Variants in GNA14 observed in about 807,000 individuals in gnomAD.
GNA14 encodes the protein guanine nucleotide-binding protein subunit alpha-14.
GNA14 carries 50 observed loss-of-function variants against 42.0 expected under a neutral mutation model. The ratio of observed to expected loss-of-function variants is 1.19; its 90% CI spans 0.95 to 1.51. GNA14 has a LOEUF of 1.51. Ranked by LOEUF, GNA14 falls within the 40% of genes most tolerant of loss-of-function variation. The probability of loss-of-function intolerance (pLI) is 0.00; values close to 1 mark genes in which losing one functional copy is unlikely to be tolerated. For missense variants in GNA14, 473 were observed against 446.2 expected (o/e 1.06, Z -0.54); for synonymous variants, 173 against 163.1 (o/e 1.06, Z -0.46).
intron 1 of GNA14, among the ~76,000 whole-genome samples, chr9:77,558,110 T>C (rs1389375588): frequency 2.0e-5 from 3 of 152,128 alleles, no homozygotes; most frequent in African/African-American, 2.4e-5. Context: ...CTTAAGACAA[T>C]AGAGGATATT....
chr9:77,464,627 AC>A (rs546105798), intron 2 of GNA14, among the ~76,000 whole-genome samples: 6 of 152,248 alleles, frequency 3.9e-5, no homozygotes, highest in African/African-American at 1.2e-4. Context: ...AGAATATCCA[AC>A]GAGTCATGCC....
At chr9:77,428,789 G>C (rs1835495906) in intron 5 of GNA14, 118 bp downstream of exon 5, 1 of 992,926 alleles carries the variant, frequency 1.0e-6, no homozygotes, top group African/African-American at 1.6e-5. Flanking sequence ...GTCACACTTT[G>C]AGTAGCAAGA....
chr9:77,604,352 T>C (rs1385040845), intron 1 of GNA14, among the ~76,000 whole-genome samples: 1 of 152,148 alleles, frequency 6.6e-6, no homozygotes, highest in African/African-American at 2.4e-5. Context: ...ATGTCAAGCA[T>C]CAAAGGCTGA....
chr9:77,597,692 C>A (rs1483477826), intron 1 of GNA14, among the ~76,000 whole-genome samples: 6 of 150,478 alleles, frequency 4.0e-5, no homozygotes, highest in African/African-American at 1.5e-4. Context: ...TGAATAGAAT[C>A]TTTTCCAAGA....
At chr9:77,592,788 T>C (rs1398017581) in intron 1 of GNA14, among the ~76,000 whole-genome samples, 2 of 152,246 alleles carry the variant, frequency 1.3e-5, no homozygotes. Flanking sequence ...GTAGGATCCT[T>C]TATCTTCTTG....
intron 2 of GNA14, among the ~76,000 whole-genome samples, chr9:77,446,620 G>A (rs1300705129): frequency 6.6e-6 from 1 of 152,172 alleles, no homozygotes; most frequent in Non-Finnish European, 1.5e-5. Flanking sequence ...AGGTGAGGGA[G>A]AGTGAAGGAG....
At chr9:77,431,285 C>A in intron 4 of GNA14, 36 bp downstream of exon 4, 3 of 1,598,688 alleles carry the variant, frequency 1.9e-6, no homozygotes, top group Non-Finnish European at 2.6e-6. Flanking sequence ...CAAGCCTGGG[C>A]AGATTCTTCA....
chr9:77,588,543 C>G (rs148894974), intron 1 of GNA14, among the ~76,000 whole-genome samples: 1 of 151,872 alleles, frequency 6.6e-6, no homozygotes, highest in African/African-American at 2.4e-5. Context: ...GAATGAGTCA[C>G]GGGGTGAGAA....
intron 1 of GNA14, among the ~76,000 whole-genome samples, chr9:77,644,437 C>CCAAAA (rs778013639): frequency 3.2e-4 from 11 of 34,012 alleles, no homozygotes; most frequent in African/African-American, 9.3e-4. Flanking sequence ...TAAAGAGTGT[C>CCAAAA]AAAAAAAAAA....
intron 1 of GNA14, among the ~76,000 whole-genome samples, chr9:77,576,135 C>T (rs2131798931): frequency 6.6e-6 from 1 of 152,220 alleles, no homozygotes; most frequent in Admixed American, 6.5e-5. Context: ...AATCATAGAA[C>T]TATATTCCTA....
At chr9:77,638,300 A>G (rs1824212761) in intron 1 of GNA14, among the ~76,000 whole-genome samples, 1 of 152,226 alleles carries the variant, frequency 6.6e-6, no homozygotes, top group Non-Finnish European at 1.5e-5. Flanking sequence ...CAAGTCAACA[A>G]GTAAGCAAAT....
intron 2 of GNA14, among the ~76,000 whole-genome samples, chr9:77,461,187 G>C (rs1031884672): frequency 6.6e-6 from 1 of 152,194 alleles, no homozygotes; most frequent in Non-Finnish European, 1.5e-5. Context: ...CGCGCTGTGA[G>C]TGCTGCAAAA....
rs1158448237 is a variant in GNA14 at position 77,515,960 on chromosome 9, C to CAAA, written c.309+13106_309+13108dup. Among the ~76,000 whole-genome samples the CAAA allele has an allele frequency of 7.0e-3, 367 of 52,608 alleles. 19 individuals are homozygous for CAAA. The highest frequency in any genetic ancestry group is 0.02 in the African/African-American group (309 of 15,716). The allele number at this position is 52,608 out of a possible 152,430, so 34.5% of individuals were successfully genotyped here. The stretch of plus-strand genomic sequence containing the variant: ...GGCAACGCAGCAAGACCCTGTCTCA[C>CAAA]AAAAAAAAAAAAAAAAAAAAAAACC... On this transcript the variant is annotated intron_variant, in intron 2 of 6. Coordinates refer to ENST00000341700, the MANE Select transcript of GNA14 (RefSeq NM_004297.4).
intron 2 of GNA14, among the ~76,000 whole-genome samples, chr9:77,436,889 A>C (rs1835646280): frequency 6.6e-6 from 1 of 152,210 alleles, no homozygotes; most frequent in Non-Finnish European, 1.5e-5. Flanking sequence ...AATTATGACA[A>C]AATAAGAGTG....
chr9:77,534,849 G>C (rs1837574760), intron 1 of GNA14, among the ~76,000 whole-genome samples: 1 of 152,154 alleles, frequency 6.6e-6, no homozygotes, highest in Non-Finnish European at 1.5e-5. Context: ...GTGTTTATTG[G>C]CTGTAGACAG....
At position 77,515,971 on chromosome 9, in the gene GNA14, A is replaced by AAAAAAAAAAAAAC. The variant is rs757442063; in HGVS notation, c.309+13085_309+13097dup. On this transcript the variant is annotated intron_variant, in intron 2 of 6. Transcript: ENST00000341700. ...AAGACCCTGTCTCACAAAAAAAAAA[A>AAAAAAAAAAAAAC]AAAAAAAAAAAACCCAGAGCAGGAA... Among the ~76,000 whole-genome samples, 965 of 147,236 alleles carry AAAAAAAAAAAAAC rather than the reference A, an allele frequency of 6.6e-3. 44 individuals are homozygous for AAAAAAAAAAAAAC. Among genetic ancestry groups the AAAAAAAAAAAAAC allele is most frequent in the Non-Finnish European group, 0.011 (715 of 66,328 alleles).
chr9:77,583,685 C>T (rs973991226), intron 1 of GNA14, among the ~76,000 whole-genome samples: 1 of 152,158 alleles, frequency 6.6e-6, no homozygotes. Flanking sequence ...GACTCCCCCA[C>T]TCCAAAAAAT....
At chr9:77,489,306 G>C (rs1180253877) in intron 2 of GNA14, among the ~76,000 whole-genome samples, 1 of 152,110 alleles carries the variant, frequency 6.6e-6, no homozygotes, top group Non-Finnish European at 1.5e-5. Flanking sequence ...CAGAATCTAA[G>C]AATTATTGGT....
intron 4 of GNA14, among the ~76,000 whole-genome samples, chr9:77,429,331 A>C (rs1487572918): frequency 1.3e-5 from 2 of 152,122 alleles, no homozygotes; most frequent in Non-Finnish European, 2.9e-5. Flanking sequence ...AGAAAACGCA[A>C]ACGTTCACTT....
Sources: gnomAD v4.1 joint callset for allele counts (sites outside exome capture counted in the v4.1 genomes callset) on GRCh38, gnomAD v4.1.1 for gene constraint, MANE v1.5 for transcripts, NCBI Gene and HGNC (gene_info 2026-07-23, HGNC 2026-07-21) for gene names.